MAD1L1: variants seen among roughly 807,000 people sequenced by gnomAD.
The protein encoded by MAD1L1 is mitotic arrest deficient 1 like 1.
In MAD1L1, 95 loss-of-function variants were observed where a neutral mutation model predicts 96.9. The observed-to-expected ratio is 0.98, with a 90% CI of 0.83 to 1.16. The LOEUF is 1.16. Among genes scored for constraint, MAD1L1 ranks in the 50% most tolerant of loss-of-function variants. The pLI is 0.00. For synonymous variants in MAD1L1, 473 were observed against 396.6 expected (o/e 1.19, Z -2.29); for missense variants, 1,007 against 954.4 (o/e 1.06, Z -0.73).
rs1035537996 is a variant in MAD1L1, at chr7:2,119,775, A to T, written c.1073+29377T>A. On this transcript the variant is annotated intron_variant, in intron 11 of 18. Coordinates refer to ENST00000265854, the MANE Select transcript of MAD1L1 (RefSeq NM_001013836.2). This position sits in a 1 kb window ranked among gnomAD's most constrained non-coding sequence, Gnocchi z 4.6. ...AGTCCTGGCTGCACCCATACAGCTCACACAGATGGCAGCCACACACGTCCC... is the reference window on the plus strand; with the variant it reads ...AGTCCTGGCTGCACCCATACAGCTCTCACAGATGGCAGCCACACACGTCCC... Among the ~76,000 whole-genome samples, 7 of 152,144 alleles carry T rather than the reference A, an allele frequency of 4.6e-5. No homozygotes were observed. The highest frequency in any genetic ancestry group is 1.7e-4 in the African/African-American group (7 of 41,428).
intron 17 of MAD1L1, among the ~76,000 whole-genome samples, chr7:1,900,078 C>G (rs1392932347): frequency 1.3e-5 from 2 of 152,236 alleles, no homozygotes; most frequent in Non-Finnish European, 1.5e-5. Context: ...GCCGAGAGCG[C>G]AGGGCCGCTG....
At chr7:2,060,709 C>T (rs1009984397) in intron 12 of MAD1L1, among the ~76,000 whole-genome samples, 12 of 152,336 alleles carry the variant, frequency 7.9e-5, no homozygotes, top group Admixed American at 2.6e-4. Flanking sequence ...CAGCGCCACG[C>T]GTGGGGAGAA....
intron 10 of MAD1L1, among the ~76,000 whole-genome samples, chr7:2,156,093 G>A (rs1031865585): frequency 2.0e-5 from 3 of 152,214 alleles, no homozygotes; most frequent in African/African-American, 4.8e-5. Context: ...GACAGTGGGC[G>A]CATGGTTTCA....
intron 11 of MAD1L1, among the ~76,000 whole-genome samples, chr7:2,091,690 G>T (rs1326415968): frequency 6.6e-6 from 1 of 152,052 alleles, no homozygotes; most frequent in African/African-American, 2.4e-5. Context: ...GCAGAAGAAT[G>T]GCGTGAACCC....
At chr7:2,102,686 C>CT (rs1475051010) in intron 11 of MAD1L1, among the ~76,000 whole-genome samples, 1 of 149,384 alleles carries the variant, frequency 6.7e-6, no homozygotes, top group Non-Finnish European at 1.5e-5. Flanking sequence ...CAGGACCACT[C>CT]TCCACACCAT....
intron 13 of MAD1L1, among the ~76,000 whole-genome samples, chr7:2,003,260 G>C (rs1224323416): frequency 6.6e-6 from 1 of 152,196 alleles, no homozygotes; most frequent in Non-Finnish European, 1.5e-5. Flanking sequence ...GGAGGCGTGT[G>C]TATGTGCGTG....
At chr7:2,202,012 G>A (rs1792333912) in intron 10 of MAD1L1, 3 of 152,300 alleles carry the variant, frequency 2.0e-5, no homozygotes, top group African/African-American at 7.2e-5. Context: ...TTGCTTTGGG[G>A]GTCTCGCTGG....
intron 18 of MAD1L1, among the ~76,000 whole-genome samples, chr7:1,873,985 A>C (rs1452266839): frequency 2.6e-5 from 4 of 151,536 alleles, no homozygotes; most frequent in African/African-American, 7.3e-5. Flanking sequence ...CGCCAGGGTC[A>C]GTTCCGGTGG....
At chr7:1,944,985 A>C (rs2128468529) in intron 16 of MAD1L1, among the ~76,000 whole-genome samples, 1 of 152,292 alleles carries the variant, frequency 6.6e-6, no homozygotes, top group African/African-American at 2.4e-5. Flanking sequence ...AGGGAGCCGG[A>C]AGCAGAGGGA....
chr7:2,044,686 G>A (rs1009446645), intron 12 of MAD1L1, among the ~76,000 whole-genome samples: 11 of 152,138 alleles, frequency 7.2e-5, no homozygotes, highest in African/African-American at 2.2e-4. Flanking sequence ...CCTGTACAGC[G>A]AGGGCGACTC....
At chr7:1,898,843 G>A (rs1787062329) in intron 17 of MAD1L1, among the ~76,000 whole-genome samples, 1 of 152,208 alleles carries the variant, frequency 6.6e-6, no homozygotes, top group African/African-American at 2.4e-5. Context: ...CGGTGCTGAG[G>A]ATGTGGGTCC....
intron 18 of MAD1L1, chr7:1,847,629 G>A (rs896721237): frequency 2.5e-5 from 12 of 470,728 alleles, no homozygotes; most frequent in Admixed American, 1.9e-4. Flanking sequence ...GGCAGGCCTC[G>A]CCCCCTCCAG....
chr7:2,101,361 G>T (rs1280136498), intron 11 of MAD1L1, among the ~76,000 whole-genome samples: 14 of 83,344 alleles, frequency 1.7e-4, no homozygotes, highest in Non-Finnish European at 3.2e-4. Flanking sequence ...CCAGGTGGGT[G>T]GCATGAGACT....
At chr7:2,071,118 A>T (rs1437226553) in intron 11 of MAD1L1, among the ~76,000 whole-genome samples, 1 of 151,136 alleles carries the variant, frequency 6.6e-6, no homozygotes, top group Non-Finnish European at 1.5e-5. Context: ...GGAAAGCTTC[A>T]TCCCGGGGCT....
At chr7:1,980,024 A>G (rs1780820826) in intron 15 of MAD1L1, among the ~76,000 whole-genome samples, 1 of 152,182 alleles carries the variant, frequency 6.6e-6, no homozygotes, top group African/African-American at 2.4e-5. Context: ...ACTTACAAAG[A>G]AAAGCCCTTC....
chr7:2,030,883 G>A (rs1333079354), intron 12 of MAD1L1, among the ~76,000 whole-genome samples: 1 of 152,158 alleles, frequency 6.6e-6, no homozygotes, highest in Non-Finnish European at 1.5e-5. Context: ...ATGATACCAT[G>A]TCTCTCCCTT....
intron 15 of MAD1L1, among the ~76,000 whole-genome samples, chr7:1,966,679 G>A (rs961257043): frequency 3.3e-5 from 5 of 151,556 alleles, no homozygotes; most frequent in African/African-American, 1.2e-4. Flanking sequence ...GCTGAAAACT[G>A]AAGGCAAAAA....
intron 18 of MAD1L1, among the ~76,000 whole-genome samples, chr7:1,886,621 C>T (rs1241505720): frequency 1.3e-5 from 2 of 152,236 alleles, no homozygotes; most frequent in East Asian, 1.9e-4. Context: ...AGGTTCTCTG[C>T]TCTCAACACT....
chr7:2,027,744 A>G (rs988993164), intron 12 of MAD1L1, among the ~76,000 whole-genome samples: 4 of 152,234 alleles, frequency 2.6e-5, no homozygotes, highest in African/African-American at 7.2e-5. Flanking sequence ...TTTCCTTACT[A>G]AAGTCGTCAG....
Sources: gnomAD v4.1 joint callset for allele counts (sites outside exome capture counted in the v4.1 genomes callset) on GRCh38, gnomAD v4.1.1 for gene constraint, Gnocchi (gnomAD v3.1) non-coding constraint, MANE v1.5 for transcripts, NCBI Gene and HGNC (gene_info 2026-07-23, HGNC 2026-07-21) for gene names.